TPTE2: variants seen among roughly 807,000 people sequenced by gnomAD.
The protein encoded by TPTE2 is phosphatidylinositol 3,4,5-trisphosphate 3-phosphatase TPTE2.
A neutral mutation model predicts 78.6 loss-of-function variants in TPTE2; 53 were observed. The ratio of observed to expected loss-of-function variants is 0.67; its 90% CI spans 0.54 to 0.85. The LOEUF (loss-of-function observed/expected upper bound fraction) is 0.85. Ranked by LOEUF, TPTE2 falls within the 40% of genes least tolerant of loss-of-function variation. The probability of loss-of-function intolerance (pLI) is 0.00; values close to 1 mark genes in which losing one functional copy is unlikely to be tolerated. For synonymous variants in TPTE2, 175 were observed against 206.2 expected, an observed-to-expected ratio of 0.85 and a Z score of 1.30; for missense variants, 461 against 623.0, an observed-to-expected ratio of 0.74 and a Z score of 2.77.
At chr13:19,478,948 G>A (rs1266060363) in intron 4 of TPTE2, among the ~76,000 whole-genome samples, 1 of 151,956 alleles carries the variant, frequency 6.6e-6, no homozygotes, top group Non-Finnish European at 1.5e-5. Context: ...TCATAGGTGG[G>A]AATTGAACAA....
intron 1 of TPTE2, among the ~76,000 whole-genome samples, chr13:19,498,864 A>C (rs1375140315): frequency 6.7e-6 from 1 of 150,312 alleles, no homozygotes; most frequent in Non-Finnish European, 1.5e-5. Flanking sequence ...AAATTGGATA[A>C]AGAGTCAAGA....
the TPTE2 span, among the ~76,000 whole-genome samples, chr13:19,551,490 G>C: frequency 5.3e-5 from 8 of 152,046 alleles, no homozygotes; most frequent in East Asian, 1.5e-3. Context: ...CTCGGCTTGG[G>C]ATTGAGAATT....
intron 6 of TPTE2, among the ~76,000 whole-genome samples, chr13:19,470,179 TTTA>T (rs1879516332): frequency 6.6e-6 from 1 of 152,184 alleles, no homozygotes; most frequent in African/African-American, 2.4e-5. Context: ...ATATATGGTT[TTTA>T]TTATGTTTAG....
intron 1 of TPTE2, among the ~76,000 whole-genome samples, chr13:19,500,058 G>A (rs1881663878): frequency 6.6e-6 from 1 of 150,998 alleles, no homozygotes; most frequent in South Asian, 2.1e-4. Context: ...AGAAGAAATG[G>A]ATAAATTCCT....
intron 1 of TPTE2, among the ~76,000 whole-genome samples, chr13:19,497,439 G>A (rs1442875387): frequency 9.0e-4 from 107 of 119,192 alleles, no homozygotes; most frequent in South Asian, 6.0e-3. Flanking sequence ...CTCCCAGCAC[G>A]CAGCTGGAGA....
the TPTE2 span, among the ~76,000 whole-genome samples, chr13:19,551,321 G>A: frequency 1.3e-5 from 2 of 152,142 alleles, no homozygotes; most frequent in African/African-American, 4.8e-5. Context: ...CGGGTATGGT[G>A]GTTCACGCCT....
intron 10 of TPTE2, among the ~76,000 whole-genome samples, chr13:19,462,959 T>C (rs1216958860): frequency 6.6e-6 from 1 of 151,858 alleles, no homozygotes; most frequent in Non-Finnish European, 1.5e-5. Context: ...GCCATATCTC[T>C]CCCATGTCTG....
At chr13:19,443,397 C>CTTTCTTT (rs71198904) in intron 13 of TPTE2, among the ~76,000 whole-genome samples, 2 of 129,912 alleles carry the variant, frequency 1.5e-5, no homozygotes, top group Non-Finnish European at 3.2e-5. Flanking sequence ...TTCTTTCTTT[C>CTTTCTTT]TTTTTTTTTT....
the TPTE2 span, among the ~76,000 whole-genome samples, chr13:19,557,814 A>G: frequency 6.6e-6 from 1 of 151,692 alleles, no homozygotes; most frequent in African/African-American, 2.4e-5. Context: ...CCTGAGAAAT[A>G]GTTATTCTCT....
At chr13:19,479,023 T>G (rs1358770628) in intron 4 of TPTE2, among the ~76,000 whole-genome samples, 15 of 151,400 alleles carry the variant, frequency 9.9e-5, no homozygotes, top group East Asian at 5.8e-4. Context: ...GTGGGGGGAT[T>G]GGGGAGGGAT....
At chr13:19,470,534 T>C (rs1254417843) in intron 6 of TPTE2, among the ~76,000 whole-genome samples, 2 of 152,176 alleles carry the variant, frequency 1.3e-5, no homozygotes, top group African/African-American at 4.8e-5. Context: ...TTTTTATTTT[T>C]ATTTTTTTTG....
At chr13:19,503,284 G>A, upstream of TPTE2, 1 of 1,613,404 alleles carries the variant, frequency 6.2e-7, no homozygotes, top group Non-Finnish European at 8.5e-7. Flanking sequence ...TGGACTAGAG[G>A]ATGACAAAAG....
chr13:19,527,359 T>C (rs1870572286), intron 1 of TPTE2, among the ~76,000 whole-genome samples: 1 of 152,244 alleles, frequency 6.6e-6, no homozygotes, highest in Non-Finnish European at 1.5e-5. Context: ...AAGTGGCAGA[T>C]ACCTTTAATA....
rs1880670711 is a variant in TPTE2, at chr13:19,486,494, C to G, written c.120-3947G>C. Among the ~76,000 whole-genome samples, 1 of 152,148 alleles carries G rather than the reference C, an allele frequency of 6.6e-6. No homozygotes were observed. The highest frequency in any genetic ancestry group is 6.5e-5 in the Admixed American group (1 of 15,280). ...GGAGCATGGGGATGCAGTTGCTCAA[C>G]CAGGGCATGACTGCCAGATGTGCTT... On this transcript the variant is annotated intron_variant, in intron 3 of 19. Coordinates refer to ENST00000400230, the Ensembl canonical transcript of TPTE2. This position sits in a 1 kb window ranked among gnomAD's most constrained non-coding sequence, Gnocchi z 4.3.
At position 19,493,958 on chromosome 13, in the gene TPTE2, A is replaced by T. The variant is rs563089486; in HGVS notation, c.12-457T>A. On this transcript the variant is annotated intron_variant, in intron 1 of 19. Transcript: ENST00000400230. Reference sequence around the variant, plus strand: ...TGACACAGGGGCACAATCCAATAGGATTTGAGGTTTGGAGCACCTGCCTCC... The same window carrying T: ...TGACACAGGGGCACAATCCAATAGGTTTTGAGGTTTGGAGCACCTGCCTCC... Among the ~76,000 whole-genome samples the T allele has an allele frequency of 2.9e-4, 44 of 152,270 alleles. 1 individual carries two copies. The highest frequency in any genetic ancestry group is 7.2e-4 in the Admixed American group (11 of 15,304).
chr13:19,435,240 T>C (rs557545577), intron 15 of TPTE2, among the ~76,000 whole-genome samples: 1 of 152,292 alleles, frequency 6.6e-6, no homozygotes, highest in Non-Finnish European at 1.5e-5. Flanking sequence ...GAAACAAACA[T>C]GGACTACAAA....
At chr13:19,551,230 T>C in the TPTE2 span, among the ~76,000 whole-genome samples, 112 of 152,244 alleles carry the variant, frequency 7.4e-4, no homozygotes, top group African/African-American at 2.6e-3. Context: ...CACAGAACCA[T>C]CCTTTAAGCA....
chr13:19,465,115 A>G, intron 9 of TPTE2, 140 bp downstream of exon 12: 1 of 1,140,958 alleles, frequency 8.8e-7, no homozygotes, highest in Non-Finnish European at 1.3e-6. Flanking sequence ...TAAACCACAA[A>G]TATGTCACAC....
intron 17 of TPTE2, among the ~76,000 whole-genome samples, chr13:19,428,920 G>T (rs1876348167): frequency 6.6e-6 from 1 of 152,182 alleles, no homozygotes; most frequent in African/African-American, 2.4e-5. Context: ...GGAAATAAGA[G>T]AGAAGTTGTT....
Sources: gnomAD v4.1 joint callset for allele counts (sites outside exome capture counted in the v4.1 genomes callset) on GRCh38, gnomAD v4.1.1 for gene constraint, Gnocchi (gnomAD v3.1) non-coding constraint, MANE v1.5 for transcripts, NCBI Gene and HGNC (gene_info 2026-07-23, HGNC 2026-07-21) for gene names.